Variants in RASGRF2 observed in about 807,000 individuals in gnomAD.
RASGRF2 encodes ras-specific guanine nucleotide-releasing factor 2.
In RASGRF2, 76 loss-of-function variants were observed where a neutral mutation model predicts 151.0. The observed-to-expected ratio is 0.50, with a 90% CI of 0.42 to 0.61. The LOEUF (loss-of-function observed/expected upper bound fraction) is 0.61, where lower values mean the gene tolerates loss of function less well. Among genes scored for constraint, RASGRF2 ranks in the 20% least tolerant of loss-of-function variants. The pLI, the probability that RASGRF2 is intolerant of heterozygous loss-of-function variation, is 0.00. For synonymous variants in RASGRF2, 504 were observed against 566.5 expected (o/e 0.89, Z 1.57); for missense variants, 1,148 against 1,564.6 (o/e 0.73, Z 4.49).
At chr5:81,161,804 T>C (rs557897746) in intron 17 of RASGRF2, among the ~76,000 whole-genome samples, 2 of 152,312 alleles carry the variant, frequency 1.3e-5, no homozygotes, top group African/African-American at 4.8e-5. Flanking sequence ...ATAATGAAGA[T>C]GTTATTAATA....
intron 2 of RASGRF2, among the ~76,000 whole-genome samples, chr5:81,055,287 T>C (rs1380524774): frequency 2.6e-5 from 4 of 152,152 alleles, no homozygotes; most frequent in Admixed American, 2.0e-4. Context: ...TCTTATTATT[T>C]TGAGATACGT....
chr5:81,058,240 GAAA>G (rs3991136), intron 2 of RASGRF2, among the ~76,000 whole-genome samples: 55,990 of 151,410 alleles, frequency 0.37, 10,572 homozygotes, highest in Middle Eastern at 0.61. Context: ...ACTAAAAAGC[GAAA>G]ATACAAAATA....
At chr5:81,091,852 T>G (rs1480155267) in intron 9 of RASGRF2, among the ~76,000 whole-genome samples, 10 of 152,200 alleles carry the variant, frequency 6.6e-5, no homozygotes, top group Non-Finnish European at 1.5e-5. Context: ...GATATGCACT[T>G]AATGATTCTT....
At chr5:81,020,071 A>G (rs148734549) in intron 1 of RASGRF2, among the ~76,000 whole-genome samples, 61 of 152,356 alleles carry the variant, frequency 4.0e-4, no homozygotes, top group African/African-American at 1.4e-3. Context: ...TAAAAACCAG[A>G]AGACTGAAAA....
At chr5:81,056,957 C>T (rs1011677591) in intron 2 of RASGRF2, among the ~76,000 whole-genome samples, 6 of 151,980 alleles carry the variant, frequency 3.9e-5, no homozygotes, top group African/African-American at 1.2e-4. Context: ...CAACCCCTGC[C>T]TTTTTTTGTT....
intron 17 of RASGRF2, among the ~76,000 whole-genome samples, chr5:81,146,832 A>G (rs898987419): frequency 6.6e-6 from 1 of 152,198 alleles, no homozygotes; most frequent in African/African-American, 2.4e-5. Flanking sequence ...ACCCAAATTC[A>G]AAGTGTTATT....
chr5:81,059,563 T>C (rs1751351173), intron 2 of RASGRF2, among the ~76,000 whole-genome samples: 1 of 151,838 alleles, frequency 6.6e-6, no homozygotes, highest in African/African-American at 2.4e-5. Flanking sequence ...AAGAAATACC[T>C]GGGCTGGGCG....
intron 18 of RASGRF2, among the ~76,000 whole-genome samples, chr5:81,189,922 G>A (rs1299358726): frequency 6.6e-6 from 1 of 151,458 alleles, no homozygotes; most frequent in African/African-American, 2.4e-5. Context: ...CCATATTGAC[G>A]AGGCTGGTCT....
chr5:81,110,663 G>T (rs1752968736), intron 13 of RASGRF2, among the ~76,000 whole-genome samples: 1 of 152,146 alleles, frequency 6.6e-6, no homozygotes, highest in Admixed American at 6.5e-5. Flanking sequence ...AATAATACTT[G>T]ATCTCAACTT....
In RASGRF2 at chr5:81,212,522, A is replaced by G; in HGVS notation, c.3313A>G (p.Ile1105Val). 3.1e-6 allele frequency: 5 copies of G among 1,613,186 alleles called. No individual in the cohort carries two copies. Among genetic ancestry groups the G allele is most frequent in the East Asian group, 2.2e-5 (1 of 44,878 alleles). ...CACCTCGGCCTTAAACAGAAGTGCC[A>G]TCTACAGGCTGAAGAAAACCTGGGC... ...EITSALNRSA[I>V]YRLKKTWAKV... Residue 1105 changes from isoleucine to valine, a missense_variant, in exon 23 of 27, where the codon ATC (isoleucine) becomes GTC (valine). Physicochemically the swap from Ile to Val is conservative, Grantham distance 29 (BLOSUM62 3). This residue lies in a region of RASGRF2 where 5 missense variants were observed against 28.1 expected (regional missense o/e 0.18). Transcript: ENST00000265080.
rs1007783325 is a variant in RASGRF2 at position 81,228,079 on chromosome 5, T to G, written c.*2309T>G. 5.3e-5 allele frequency: 8 copies of G among 152,248 alleles called. No individual in the cohort carries two copies. Among genetic ancestry groups the G allele is most frequent in the African/African-American group, 1.9e-4 (8 of 41,432 alleles). 9.4% of individuals were successfully genotyped at this position (152,248 alleles called of 1,614,324 possible). A position where few individuals can be genotyped will look rare whatever the true frequency, so the allele number is the denominator to read the frequency against. ...AGGCACTGTCAATTGCTATGCTGAC[T>G]TTTAGGGGGTTTTTGTTTGTTTGAA... On this transcript the variant is annotated 3_prime_UTR_variant, in exon 27 of 27. Coordinates refer to ENST00000265080, the MANE Select transcript of RASGRF2 (RefSeq NM_006909.3).
At chr5:81,051,464 A>G (rs1014343060) in intron 2 of RASGRF2, among the ~76,000 whole-genome samples, 18 of 152,192 alleles carry the variant, frequency 1.2e-4, no homozygotes, top group Non-Finnish European at 8.8e-5. Context: ...GAAACCCCAT[A>G]TCCGATAGCT....
intron 1 of RASGRF2, among the ~76,000 whole-genome samples, chr5:80,980,455 C>T (rs1300944675): frequency 6.6e-6 from 1 of 152,164 alleles, no homozygotes; most frequent in South Asian, 2.1e-4. Flanking sequence ...GCCTGGCCAA[C>T]ACGGTGAAAC....
At chr5:81,127,031 C>A (rs1753474739) in intron 16 of RASGRF2, 43 bp from the exon 17 acceptor site, 1 of 1,582,256 alleles carries the variant, frequency 6.3e-7, no homozygotes, top group African/African-American at 1.3e-5. Context: ...GAATATTATC[C>A]ATTTGCCTCA....
chr5:81,006,932 G>A (rs1374013703), intron 1 of RASGRF2, among the ~76,000 whole-genome samples: 2 of 152,034 alleles, frequency 1.3e-5, no homozygotes, highest in East Asian at 1.9e-4. Context: ...ATTGTCCCAG[G>A]CCATTGTATG....
chr5:81,003,189 G>C (rs1429094090), intron 1 of RASGRF2, among the ~76,000 whole-genome samples: 1 of 151,338 alleles, frequency 6.6e-6, no homozygotes, highest in Non-Finnish European at 1.5e-5. Context: ...CCGAGTAGCG[G>C]GATTATGGAT....
chr5:81,200,245 T>G (rs1755356137), intron 18 of RASGRF2, among the ~76,000 whole-genome samples: 1 of 149,780 alleles, frequency 6.7e-6, no homozygotes, highest in Non-Finnish European at 1.5e-5. Context: ...CACTCCAGCC[T>G]GGGTGACAGA....
At chr5:81,018,574 A>T (rs1000369013) in intron 1 of RASGRF2, among the ~76,000 whole-genome samples, 4 of 152,200 alleles carry the variant, frequency 2.6e-5, no homozygotes, top group Non-Finnish European at 5.9e-5. Context: ...TTAAATTCAG[A>T]GCAAACATTA....
chr5:81,105,301 A>C (rs1277611412), intron 12 of RASGRF2, among the ~76,000 whole-genome samples: 1 of 152,050 alleles, frequency 6.6e-6, no homozygotes, highest in Non-Finnish European at 1.5e-5. Context: ...TGGACTATGA[A>C]TCCCTAAGAA....
Sources: allele counts gnomAD v4.1 joint callset (sites outside exome capture counted in the v4.1 genomes callset), GRCh38; gene constraint gnomAD v4.1.1; regional missense constraint gnomAD v4.1.1; transcripts MANE v1.5; gene names NCBI Gene and HGNC (gene_info 2026-07-23, HGNC 2026-07-21).